The following RPS10 variants were observed in gnomAD, a reference collection of about 807,000 sequenced individuals.
RPS10 encodes small ribosomal subunit protein eS10.
In RPS10, 2 loss-of-function variants were observed where a neutral mutation model predicts 22.6. The ratio of observed to expected loss-of-function variants is 0.09; its 90% CI spans 0.04 to 0.28. The LOEUF is 0.28. Ranked by LOEUF, RPS10 falls within the 10% of genes least tolerant of loss-of-function variation. The probability of loss-of-function intolerance (pLI) is 1.00; values close to 1 mark genes in which losing one functional copy is unlikely to be tolerated. For missense variants in RPS10, 137 were observed against 222.2 expected (o/e 0.62, Z 2.44); for synonymous variants, 70 against 75.9 (o/e 0.92, Z 0.40).
intron 4 of RPS10, among the ~76,000 whole-genome samples, chr6:34,419,301 C>T (rs981991493): frequency 5.9e-5 from 9 of 152,088 alleles, no homozygotes; most frequent in African/African-American, 1.7e-4. Context: ...GTTGGGATTA[C>T]AGGCATGAGC....
In RPS10 at chr6:34,418,442, G is replaced by T. The variant is rs41269040; in HGVS notation, c.401-18C>A. Reference sequence around the variant, plus strand: ...GGCACCAGCTAGAAAGTGAAACATCGATTTAGAATCATCATATGATCTAAT... The same window carrying T: ...GGCACCAGCTAGAAAGTGAAACATCTATTTAGAATCATCATATGATCTAAT... On this transcript the variant is annotated intron_variant, in intron 4 of 5. Transcript: ENST00000648437. 6.2e-7 allele frequency: 1 copy of T among 1,614,110 alleles called. No homozygotes were observed. The highest frequency in any genetic ancestry group is 1.7e-5 in the Admixed American group (1 of 60,012).
At chr6:34,421,592 G>A in intron 4 of RPS10, 138 bp downstream of exon 4, 1 of 907,014 alleles carries the variant, frequency 1.1e-6, no homozygotes, top group South Asian at 1.4e-5. Flanking sequence ...CTGTTCTGAT[G>A]CTCTGCAGAG....
At chr6:34,425,658 TA>T in intron 1 of RPS10, 1 of 229,198 alleles carries the variant, frequency 4.4e-6, no homozygotes, top group Non-Finnish European at 9.0e-6. Flanking sequence ...ACCAAAGGGC[TA>T]AGGCCTTCGC....
intron 4 of RPS10, among the ~76,000 whole-genome samples, chr6:34,421,097 G>GTT (rs554380258): frequency 2.3e-5 from 3 of 132,036 alleles, no homozygotes; most frequent in Admixed American, 7.6e-5. Context: ...TACCGAAGAG[G>GTT]TTTTTTTTTT....
rs183336016 is a variant in RPS10 at position 34,419,364 on chromosome 6, T to C, written c.401-940A>G. ...TTTTTGTAGAGATGGGGTTCTGCCA[T>C]GTTGCCCGGGCTGGTCTAGAACTCC... On this transcript the variant is annotated intron_variant, in intron 4 of 5. Coordinates refer to ENST00000648437, the MANE Select transcript of RPS10 (RefSeq NM_001014.5). Among the ~76,000 whole-genome samples, 33 of 152,014 alleles carry C rather than the reference T, an allele frequency of 2.2e-4. No individual in the cohort carries two copies. In the East Asian group the frequency reaches 6.0e-3, roughly 28 times the overall value.
rs1482405207 is a variant in RPS10, at chr6:34,424,711, G to A, written c.280C>T (p.Leu94=). The part of the protein sequence containing the change: ...HLPPEIVPAT[L]RRSRPETGRP... ...CCAGTCTCTGGACGGCTACGGCGTA[G>A]GGTGGCAGGCACAATCTCCGGGGGC... Residue 94 remains leucine, a synonymous_variant, in exon 3 of 6, where the codon CTA becomes TTA. Coordinates refer to ENST00000648437, the MANE Select transcript of RPS10 (RefSeq NM_001014.5). 1.2e-6 allele frequency: 2 copies of A among 1,614,048 alleles called. No homozygotes were observed. Among genetic ancestry groups the A allele is most frequent in the African/African-American group, 2.7e-5 (2 of 74,942 alleles).
chr6:34,418,714 G>C lies in RPS10; in HGVS notation c.401-290C>G, dbSNP rs180930706. On this transcript the variant is annotated intron_variant, in intron 4 of 5. Coordinates refer to ENST00000648437, the MANE Select transcript of RPS10 (RefSeq NM_001014.5). ...TGACTGACTTACCCACTTCACAGCA[G>C]CATCTAGATAACAAAGGGAGTGTAA... Among the ~76,000 whole-genome samples, 180 of 152,140 alleles carry C rather than the reference G, an allele frequency of 1.2e-3. 1 individual carries two copies. In the East Asian group the frequency reaches 0.013, roughly 11 times the overall value.
At chr6:34,417,579 G>A (rs748774178) in intron 5 of RPS10, 32 bp from the exon 6 acceptor site, 33 of 1,612,242 alleles carry the variant, frequency 2.0e-5, no homozygotes, top group African/African-American at 2.7e-5. Flanking sequence ...ATCAGCATGA[G>A]CGGCACTCTG....
chr6:34,421,442 C>G (rs143360244), intron 4 of RPS10, among the ~76,000 whole-genome samples: 1 of 151,930 alleles, frequency 6.6e-6, no homozygotes, highest in Admixed American at 6.6e-5. Context: ...CTTCGACCCC[C>G]CCCCTCCAAC....
intron 1 of RPS10, chr6:34,425,541 G>A (rs539456967): frequency 4.6e-4 from 167 of 360,990 alleles, no homozygotes; most frequent in Non-Finnish European, 7.8e-4. Context: ...GCAGTTGGAG[G>A]CCATCAGCGA....
intron 3 of RPS10, 151 bp from the exon 4 acceptor site, chr6:34,421,958 A>G (rs1765783835): frequency 1.4e-6 from 1 of 695,532 alleles, no homozygotes; most frequent in South Asian, 1.7e-5. Context: ...TAAACCTACA[A>G]TGTCAGCTAG....
rs191253438 is a variant in RPS10, at chr6:34,419,753, T to C, written c.401-1329A>G. 1.2e-3 allele frequency among the ~76,000 whole-genome samples: 181 copies of C among 152,070 alleles called. 1 individual carries two copies. In the East Asian group the frequency reaches 0.013, roughly 11 times the overall value. On this transcript the variant is annotated intron_variant, in intron 4 of 5. Transcript: ENST00000648437. ...CACCACGCTTGGCTAATTTTTTGTA[T>C]TTTAAGTAGAGACGGGGTTTCACCA...
intron 4 of RPS10, among the ~76,000 whole-genome samples, chr6:34,418,958 T>A (rs1765667541): frequency 6.6e-6 from 1 of 152,000 alleles, no homozygotes; most frequent in Admixed American, 6.6e-5. Context: ...CACTACAACC[T>A]CTGCCTCATG....
At chr6:34,419,643 T>TCTCAGCTCACTGCAACCTTCAC (rs1391053945) in intron 4 of RPS10, among the ~76,000 whole-genome samples, 1 of 152,070 alleles carries the variant, frequency 6.6e-6, no homozygotes, top group Admixed American at 6.5e-5. Context: ...AATGATGCAA[T>TCTCAGCTCACTGCAACCTTCAC]CTCAGCTCAC....
Position 34,418,834 on chromosome 6 carries a change from C to T in RPS10, c.401-410G>A, listed in dbSNP as rs540778087. Reference sequence around the variant, plus strand: ...GACAAGATGCTGCCCGGTCCTATATCCCAGTCACAGTTCAAATGGAGACGT... The same window carrying T: ...GACAAGATGCTGCCCGGTCCTATATTCCAGTCACAGTTCAAATGGAGACGT... On this transcript the variant is annotated intron_variant, in intron 4 of 5. Transcript: ENST00000648437. 5.9e-5 allele frequency among the ~76,000 whole-genome samples: 9 copies of T among 152,254 alleles called. No individual in the cohort carries two copies. In the South Asian group the frequency reaches 1.0e-3, roughly 18 times the overall value.
At chr6:34,417,669 A>C (rs891073938) in intron 5 of RPS10, 122 bp from the exon 6 acceptor site, 24 of 878,018 alleles carry the variant, frequency 2.7e-5, no homozygotes, top group South Asian at 5.6e-5. Flanking sequence ...GCTGGGAGAG[A>C]GCTGAGTACA....
intron 4 of RPS10, among the ~76,000 whole-genome samples, chr6:34,420,134 A>C (rs545151811): frequency 6.6e-6 from 1 of 152,310 alleles, no homozygotes; most frequent in South Asian, 2.1e-4. Context: ...GCTACGAGGA[A>C]ATTTTGTATT....
rs564666478 is a variant in RPS10 at position 34,418,021 on chromosome 6, C to T, written c.456+348G>A. ...AGAAACTGAGGCAGAGGGGAACCTA[C>T]CTAACATTACATCAACTGAAAAAAG... is the stretch of plus-strand genomic sequence containing the variant. On this transcript the variant is annotated intron_variant, in intron 5 of 5. Coordinates refer to ENST00000648437, the MANE Select transcript of RPS10 (RefSeq NM_001014.5). 14 of 708,550 alleles carry T rather than the reference C, an allele frequency of 2.0e-5. No homozygotes were observed. The African/African-American group carries it at 2.3e-4, about 12-fold the overall frequency. 43.9% of individuals were successfully genotyped at this position (708,550 alleles called of 1,614,324 possible). A position where few individuals can be genotyped will look rare whatever the true frequency, so the allele number is the denominator to read the frequency against.
intron 4 of RPS10, 100 bp downstream of exon 4, chr6:34,421,630 T>C: frequency 7.5e-7 from 1 of 1,330,280 alleles, no homozygotes; most frequent in Non-Finnish European, 1.1e-6. Flanking sequence ...CCTGGTCATT[T>C]TGTCATCATC....
Sources: gnomAD v4.1 joint callset for allele counts (sites outside exome capture counted in the v4.1 genomes callset) on GRCh38, gnomAD v4.1.1 for gene constraint, MANE v1.5 for transcripts, NCBI Gene and HGNC (gene_info 2026-07-23, HGNC 2026-07-21) for gene names.